ZHX2: variants seen among roughly 807,000 people sequenced by gnomAD.
The protein encoded by ZHX2 is zinc fingers and homeoboxes 2.
In ZHX2, 6 loss-of-function variants were observed where a neutral mutation model predicts 21.9. The observed-to-expected ratio is 0.27, with a 90% CI of 0.15 to 0.54. The LOEUF is 0.54. Among genes scored for constraint, ZHX2 ranks in the 20% least tolerant of loss-of-function variants. The probability of loss-of-function intolerance (pLI) is 0.95; values close to 1 mark genes in which losing one functional copy is unlikely to be tolerated. For missense variants in ZHX2, 908 were observed against 1,090.7 expected, an observed-to-expected ratio of 0.83 and a Z score of 2.36; for synonymous variants, 434 against 437.1, an observed-to-expected ratio of 0.99 and a Z score of 0.09.
intron 2 of ZHX2, among the ~76,000 whole-genome samples, chr8:122,923,337 C>T (rs898818845): frequency 3.3e-5 from 5 of 152,208 alleles, no homozygotes; most frequent in Non-Finnish European, 7.3e-5. Flanking sequence ...GCGTCTGTCT[C>T]CCTGCTTGGG....
intron 2 of ZHX2, among the ~76,000 whole-genome samples, chr8:122,901,083 G>A (rs1402039051): frequency 3.3e-5 from 5 of 152,098 alleles, no homozygotes; most frequent in South Asian, 2.1e-4. Context: ...TTAGAAATAC[G>A]TTAGAATTTA....
At chr8:122,938,614 A>C (rs922854824) in intron 2 of ZHX2, among the ~76,000 whole-genome samples, 9 of 152,250 alleles carry the variant, frequency 5.9e-5, no homozygotes, top group Admixed American at 2.6e-4. Flanking sequence ...AGGCAGGCAG[A>C]TTGCCTGAGT....
chr8:122,954,856 TC>T (rs1554589323), intron 3 of ZHX2, among the ~76,000 whole-genome samples: 11 of 150,290 alleles, frequency 7.3e-5, no homozygotes, highest in East Asian at 1.9e-4. Flanking sequence ...TTTTTTTTTT[TC>T]CCCCCTTTTC....
At chr8:122,871,596 A>G (rs933462436) in intron 2 of ZHX2, among the ~76,000 whole-genome samples, 2 of 151,342 alleles carry the variant, frequency 1.3e-5, no homozygotes, top group East Asian at 3.9e-4. Context: ...GTTAATGGGT[A>G]CAGCACACCA....
chr8:122,947,627 G>A (rs1813010587), intron 2 of ZHX2, among the ~76,000 whole-genome samples: 1 of 152,154 alleles, frequency 6.6e-6, no homozygotes, highest in South Asian at 2.1e-4. Flanking sequence ...CACGCAGGGT[G>A]AGGAAATAGA....
At chr8:122,901,760 C>T (rs4524797) in intron 2 of ZHX2, among the ~76,000 whole-genome samples, 74,428 of 151,820 alleles carry the variant, frequency 0.49, 18,302 homozygotes, top group South Asian at 0.62. Context: ...CCCTGGCCTC[C>T]ACCTCCTAGA....
chr8:122,870,025 A>G (rs1232241974), intron 2 of ZHX2, among the ~76,000 whole-genome samples: 2 of 152,222 alleles, frequency 1.3e-5, no homozygotes, highest in African/African-American at 4.8e-5. Context: ...CTACCCACAG[A>G]TTCAAAGTCT....
At position 122,911,229 on chromosome 8, in the gene ZHX2, G is replaced by C. The variant is rs112926183; in HGVS notation, c.-219-40063G>C. Among the ~76,000 whole-genome samples the C allele has an allele frequency of 7.1e-3, 1,055 of 148,546 alleles. 14 individuals carry two copies. Among genetic ancestry groups the C allele is most frequent in the African/African-American group, 0.025 (1,011 of 40,172 alleles). On this transcript the variant is annotated intron_variant, in intron 2 of 3. Transcript: ENST00000314393. Reference sequence around the variant, plus strand: ...GTAGGATCTCTGCCACTTTATAGCTGTTCGTCTTCCCTGGTGGTTCCCGGG... The same window carrying C: ...GTAGGATCTCTGCCACTTTATAGCTCTTCGTCTTCCCTGGTGGTTCCCGGG...
chr8:122,962,746 T>C (rs1450435380), intron 3 of ZHX2, among the ~76,000 whole-genome samples: 1 of 152,230 alleles, frequency 6.6e-6, no homozygotes, highest in Non-Finnish European at 1.5e-5. Context: ...CCACCAGCAT[T>C]GTAAAAGTGT....
At chr8:122,850,057 A>G (rs1818851477) in intron 1 of ZHX2, among the ~76,000 whole-genome samples, 1 of 152,204 alleles carries the variant, frequency 6.6e-6, no homozygotes, top group Non-Finnish European at 1.5e-5. Context: ...AGCTCAGTAA[A>G]TAGTACCTCT....
chr8:122,810,105 A>C (rs560413143), intron 1 of ZHX2, among the ~76,000 whole-genome samples: 71 of 152,186 alleles, frequency 4.7e-4, no homozygotes, highest in Non-Finnish European at 9.0e-4. Flanking sequence ...CATTGTGCAC[A>C]ATGTTTGGCA....
At chr8:122,965,398 T>C (rs751126795) in intron 3 of ZHX2, among the ~76,000 whole-genome samples, 21 of 152,202 alleles carry the variant, frequency 1.4e-4, no homozygotes, top group Non-Finnish European at 2.8e-4. Context: ...CTTGATTTCA[T>C]TGTTGACCCA....
At chr8:122,879,183 G>C (rs968614060) in intron 2 of ZHX2, among the ~76,000 whole-genome samples, 2 of 152,140 alleles carry the variant, frequency 1.3e-5, no homozygotes, top group Non-Finnish European at 2.9e-5. Context: ...TGAAAGAAAG[G>C]CCTAAGGGTT....
intron 2 of ZHX2, among the ~76,000 whole-genome samples, chr8:122,922,639 G>T (rs761872002): frequency 3.3e-5 from 5 of 152,164 alleles, no homozygotes; most frequent in Non-Finnish European, 5.9e-5. Context: ...TCCATTTCCT[G>T]TGTCAGATCA....
chr8:122,833,111 C>T (rs984881786), intron 1 of ZHX2, among the ~76,000 whole-genome samples: 1 of 151,844 alleles, frequency 6.6e-6, no homozygotes, highest in Non-Finnish European at 1.5e-5. Context: ...TTTGGGAATT[C>T]GAGTGTAAAG....
intron 2 of ZHX2, among the ~76,000 whole-genome samples, chr8:122,873,860 T>C (rs1819504629): frequency 6.6e-6 from 1 of 152,126 alleles, no homozygotes; most frequent in Non-Finnish European, 1.5e-5. Context: ...CCCCCTTCCA[T>C]CTTCAAAGCC....
At chr8:122,871,893 A>G (rs2129702268) in intron 2 of ZHX2, among the ~76,000 whole-genome samples, 2 of 152,334 alleles carry the variant, frequency 1.3e-5, no homozygotes, top group Non-Finnish European at 2.9e-5. Flanking sequence ...AGGAAGGGAT[A>G]GATGTATTGG....
At chr8:122,916,120 C>G (rs16897643) in intron 2 of ZHX2, among the ~76,000 whole-genome samples, 2 of 152,198 alleles carry the variant, frequency 1.3e-5, no homozygotes, top group African/African-American at 4.8e-5. Flanking sequence ...TTGGCTCCTC[C>G]GTGCCTTTCA....
At chr8:122,929,250 A>G (rs1820925985) in intron 2 of ZHX2, among the ~76,000 whole-genome samples, 1 of 152,110 alleles carries the variant, frequency 6.6e-6, no homozygotes. Flanking sequence ...CCTTGATCAG[A>G]CTTGCTCATT....
Sources: gnomAD v4.1 joint callset for allele counts (sites outside exome capture counted in the v4.1 genomes callset) on GRCh38, gnomAD v4.1.1 for gene constraint, MANE v1.5 for transcripts, NCBI Gene and HGNC (gene_info 2026-07-23, HGNC 2026-07-21) for gene names.